Variants in HCRTR2 observed in about 807,000 individuals in gnomAD.
HCRTR2 encodes the protein hypocretin receptor 2, also known as orexin receptor type 2.
In HCRTR2, 22 loss-of-function variants were observed where a neutral mutation model predicts 49.0. The ratio of observed to expected loss-of-function variants is 0.45; its 90% CI spans 0.32 to 0.64. HCRTR2 has a LOEUF of 0.64. Ranked by LOEUF, HCRTR2 falls within the 30% of genes least tolerant of loss-of-function variation. The probability of loss-of-function intolerance (pLI) is 0.04; values close to 1 mark genes in which losing one functional copy is unlikely to be tolerated. For missense variants in HCRTR2, 491 were observed against 559.4 expected, an observed-to-expected ratio of 0.88 and a Z score of 1.23; for synonymous variants, 236 against 205.3, an observed-to-expected ratio of 1.15 and a Z score of -1.28.
At chr6:55,145,400 T>TTTTTTG (rs1554167931) in intron 1 of HCRTR2, among the ~76,000 whole-genome samples, 80 of 124,318 alleles carry the variant, frequency 6.4e-4, no homozygotes, top group Admixed American at 2.4e-3. Context: ...TTTGTTTTTT[T>TTTTTTG]TTTTGTTTTT....
At chr6:55,182,146 C>G (rs1765144051) in intron 1 of HCRTR2, among the ~76,000 whole-genome samples, 1 of 152,192 alleles carries the variant, frequency 6.6e-6, no homozygotes, top group Admixed American at 6.5e-5. Flanking sequence ...ACTCACAGTT[C>G]AGGCAGCCTC....
At chr6:55,240,986 A>G (rs1375534465) in intron 1 of HCRTR2, among the ~76,000 whole-genome samples, 2 of 146,824 alleles carry the variant, frequency 1.4e-5, no homozygotes, top group African/African-American at 5.0e-5. Context: ...TTTTATTATT[A>G]TTATACTTTA....
chr6:55,110,136 G>T (rs1764029102), intron 1 of HCRTR2, among the ~76,000 whole-genome samples: 1 of 152,056 alleles, frequency 6.6e-6, no homozygotes, highest in South Asian at 2.1e-4. Context: ...ATAAATAAAG[G>T]AAAGATAGTC....
At chr6:55,114,499 A>C (rs954924362) in intron 1 of HCRTR2, among the ~76,000 whole-genome samples, 6 of 151,738 alleles carry the variant, frequency 4.0e-5, no homozygotes, top group Non-Finnish European at 7.4e-5. Flanking sequence ...AAATGACAAT[A>C]TGTTTCCACC....
intron 1 of HCRTR2, among the ~76,000 whole-genome samples, chr6:55,212,891 C>T (rs749142242): frequency 6.6e-6 from 1 of 152,152 alleles, no homozygotes; most frequent in South Asian, 2.1e-4. Context: ...ACTATGTAGA[C>T]ATCTCAAACA....
chr6:55,272,314 T>C (rs1766988274), intron 4 of HCRTR2, among the ~76,000 whole-genome samples: 1 of 152,040 alleles, frequency 6.6e-6, no homozygotes, highest in Non-Finnish European at 1.5e-5. Context: ...TAGGCAAATA[T>C]ATAGAGCCAA....
At chr6:55,187,340 G>T (rs1581816193) in intron 1 of HCRTR2, among the ~76,000 whole-genome samples, 2 of 139,486 alleles carry the variant, frequency 1.4e-5, no homozygotes, top group African/African-American at 5.4e-5. Context: ...TTCAACCCGG[G>T]AGACGGAGGT....
chr6:55,271,188 C>CAACTGTATGGA (rs1345067323), intron 4 of HCRTR2, among the ~76,000 whole-genome samples: 1 of 152,094 alleles, frequency 6.6e-6, no homozygotes, highest in Non-Finnish European at 1.5e-5. Context: ...TACTTCCATA[C>CAACTGTATGGA]AGTTAGTCAT....
intron 1 of HCRTR2, among the ~76,000 whole-genome samples, chr6:55,132,615 C>T (rs752494338): frequency 6.6e-6 from 1 of 151,656 alleles, no homozygotes; most frequent in African/African-American, 2.4e-5. Flanking sequence ...GATGAGCTAC[C>T]CCAGTAGGAC....
At chr6:55,127,987 A>G (rs1279787901) in intron 1 of HCRTR2, among the ~76,000 whole-genome samples, 1 of 152,120 alleles carries the variant, frequency 6.6e-6, no homozygotes, top group Non-Finnish European at 1.5e-5. Flanking sequence ...TTTGTCATGA[A>G]ATCTTTGCCT....
intron 1 of HCRTR2, among the ~76,000 whole-genome samples, chr6:55,162,673 A>G (rs1764822827): frequency 1.3e-5 from 2 of 152,214 alleles, no homozygotes; most frequent in Admixed American, 1.3e-4. Flanking sequence ...CAAAAATCAC[A>G]AGCATTTCTA....
At chr6:55,272,687 A>G (rs1053059154) in intron 4 of HCRTR2, among the ~76,000 whole-genome samples, 23 of 151,908 alleles carry the variant, frequency 1.5e-4, no homozygotes, top group African/African-American at 4.8e-4. Flanking sequence ...GTAATGAGAG[A>G]CTATAATAGG....
chr6:55,237,319 T>C lies in HCRTR2; in HGVS notation c.224-11320T>C, dbSNP rs576317537. Among the ~76,000 whole-genome samples, 5 of 152,316 alleles carry C rather than the reference T, an allele frequency of 3.3e-5. No individual in the cohort carries two copies. The South Asian group carries it at 1.0e-3, about 32-fold the overall frequency. ...CTTTTGCTTTGGCCAGCAGCTAGTG[T>C]TGGGACAGAAAACCACTATCCCGTC... On this transcript the variant is annotated intron_variant, in intron 1 of 6. Transcript: ENST00000370862.
At chr6:55,190,628 C>T (rs571158992) in intron 1 of HCRTR2, among the ~76,000 whole-genome samples, 5 of 152,280 alleles carry the variant, frequency 3.3e-5, no homozygotes, top group African/African-American at 9.6e-5. Flanking sequence ...ATAGAAGGGA[C>T]TGGATAGTGA....
intron 1 of HCRTR2, among the ~76,000 whole-genome samples, chr6:55,186,664 G>A (rs1765221162): frequency 6.6e-6 from 1 of 152,086 alleles, no homozygotes; most frequent in East Asian, 1.9e-4. Flanking sequence ...AACTCTTTTT[G>A]TTTCAAAATA....
intron 1 of HCRTR2, among the ~76,000 whole-genome samples, chr6:55,177,229 T>G (rs1414945146): frequency 6.6e-5 from 10 of 152,220 alleles, no homozygotes; most frequent in Non-Finnish European, 1.5e-5. Context: ...GCACTCTGCC[T>G]TAAAGAAACT....
intron 1 of HCRTR2, among the ~76,000 whole-genome samples, chr6:55,140,161 C>CT (rs111914284): frequency 0.055 from 8,246 of 150,634 alleles, 337 homozygotes; most frequent in African/African-American, 0.1. Context: ...TAATCTGACC[C>CT]TTTTTTTAGT....
At chr6:55,212,579 C>A (rs919925225) in intron 1 of HCRTR2, among the ~76,000 whole-genome samples, 4 of 152,058 alleles carry the variant, frequency 2.6e-5, no homozygotes, top group Non-Finnish European at 5.9e-5. Context: ...CTCTTCCTGG[C>A]GTGGAAGTAG....
At chr6:55,220,930 A>G (rs1394436495) in intron 1 of HCRTR2, among the ~76,000 whole-genome samples, 1 of 152,196 alleles carries the variant, frequency 6.6e-6, no homozygotes, top group Non-Finnish European at 1.5e-5. Context: ...TGAAAAAGAC[A>G]TTACAATCCC....
Sources: gnomAD v4.1 joint callset for allele counts (sites outside exome capture counted in the v4.1 genomes callset) on GRCh38, gnomAD v4.1.1 for gene constraint, MANE v1.5 for transcripts, NCBI Gene and HGNC (gene_info 2026-07-23, HGNC 2026-07-21) for gene names.